CCDC138: variants seen among roughly 807,000 people sequenced by gnomAD.
The protein encoded by CCDC138 is coiled-coil domain containing 138.
A neutral mutation model predicts 82.3 loss-of-function variants in CCDC138; 66 were observed. The observed-to-expected ratio is 0.80, with a 90% CI of 0.66 to 0.98. The LOEUF (loss-of-function observed/expected upper bound fraction) is 0.98. Ranked by LOEUF, CCDC138 falls within the 50% of genes least tolerant of loss-of-function variation. The pLI is 0.00. For synonymous variants in CCDC138, 297 were observed against 265.4 expected (o/e 1.12, Z -1.16); for missense variants, 816 against 758.9 (o/e 1.08, Z -0.88).
At chr2:108,832,102 T>A (rs1687788230) in intron 10 of CCDC138, among the ~76,000 whole-genome samples, 1 of 145,042 alleles carries the variant, frequency 6.9e-6, no homozygotes, top group African/African-American at 2.6e-5. Flanking sequence ...CCATCTCAGC[T>A]CCCTTCAACC....
intron 10 of CCDC138, among the ~76,000 whole-genome samples, chr2:108,827,232 A>G (rs1686764245): frequency 6.6e-6 from 1 of 152,298 alleles, no homozygotes; most frequent in Admixed American, 6.5e-5. Context: ...AACCAACCAA[A>G]AAATTATTAG....
chr2:108,809,702 T>G (rs1043376351), intron 7 of CCDC138, among the ~76,000 whole-genome samples: 1 of 152,206 alleles, frequency 6.6e-6, no homozygotes, highest in African/African-American at 2.4e-5. Flanking sequence ...TTTACCAAAT[T>G]TATCAGTTCT....
Position 108,816,045 on chromosome 2 carries a change from T to C in CCDC138, c.1146T>C (p.Gly382=), listed in dbSNP as rs916458963. The C allele has an allele frequency of 3.7e-6, 6 of 1,613,652 alleles. No homozygotes were observed. The highest frequency in any genetic ancestry group is 4.2e-6 in the Non-Finnish European group (5 of 1,179,844). ...KVKHEESGMD[G]KKPQLKFASQ... is the part of the protein sequence containing the mutation. ...AACATGAAGAATCTGGAATGGATGGTAAAAAACCACAACTCAAATTTGCTT... is the reference window on the plus strand; with the variant it reads ...AACATGAAGAATCTGGAATGGATGGCAAAAAACCACAACTCAAATTTGCTT... The change falls in exon 10 of 15, where the codon GGT becomes GGC. Residue 382 remains glycine, a synonymous_variant. Coordinates refer to ENST00000295124, the MANE Select transcript of CCDC138 (RefSeq NM_144978.3).
At chr2:108,847,006 C>T in intron 12 of CCDC138, 76 bp downstream of exon 12, 1 of 813,846 alleles carries the variant, frequency 1.2e-6, no homozygotes, top group South Asian at 1.7e-5. Flanking sequence ...ATTCTTTTAT[C>T]AAATATGTTG....
intron 11 of CCDC138, among the ~76,000 whole-genome samples, chr2:108,843,871 TGTGTG>T (rs576645889): frequency 0.66 from 88,100 of 133,944 alleles, 34,155 homozygotes; most frequent in East Asian, 0.85. Context: ...TGTGTGTGTG[TGTGTG>T]TGTTTCTTTC....
chr2:108,814,464 G>A (rs1684411984), intron 9 of CCDC138, among the ~76,000 whole-genome samples: 1 of 151,890 alleles, frequency 6.6e-6, no homozygotes, highest in Non-Finnish European at 1.5e-5. Flanking sequence ...CATCTAAAGG[G>A]AGTTAGTTTC....
chr2:108,853,526 T>A (rs917105470), intron 12 of CCDC138, among the ~76,000 whole-genome samples: 2 of 149,914 alleles, frequency 1.3e-5, no homozygotes, highest in Non-Finnish European at 3.0e-5. Flanking sequence ...ACTGATAGCT[T>A]TCTTTTTTTT....
intron 10 of CCDC138, among the ~76,000 whole-genome samples, chr2:108,831,960 T>C (rs1031670122): frequency 3.9e-5 from 6 of 152,146 alleles, no homozygotes; most frequent in Admixed American, 2.0e-4. Context: ...CTTGAACTTC[T>C]GACCTCAGGT....
intron 13 of CCDC138, among the ~76,000 whole-genome samples, chr2:108,864,889 A>C (rs796417946): frequency 1.3e-5 from 2 of 151,862 alleles, no homozygotes; most frequent in African/African-American, 4.8e-5. Context: ...TGAGCCCTGG[A>C]GTTCAACGTT....
At chr2:108,873,427 A>G (rs1184827158) in intron 13 of CCDC138, 24 bp from the exon 14 acceptor site, 1 of 1,555,824 alleles carries the variant, frequency 6.4e-7, no homozygotes, top group South Asian at 1.3e-5. Flanking sequence ...CCTAATAGTA[A>G]AGCACTGTTG....
chr2:108,859,007 A>G (rs768315732), intron 13 of CCDC138, among the ~76,000 whole-genome samples: 2 of 152,206 alleles, frequency 1.3e-5, no homozygotes, highest in Non-Finnish European at 2.9e-5. Flanking sequence ...TCTTTTTGGT[A>G]GAACAATTTC....
rs539019578 is a variant in CCDC138 at position 108,817,186 on chromosome 2, CTT to C, written c.1206+1085_1206+1086del. ...TGGGTGGTCCTGGTAATCACACAAA[CTT>C]TTTAAACCAGAAGGATTCAGAAGAG... On this transcript the variant is annotated intron_variant, in intron 10 of 14. Transcript: ENST00000295124. Among the ~76,000 whole-genome samples, 341 of 152,266 alleles carry C rather than the reference CTT, an allele frequency of 2.2e-3. 2 individuals are homozygous for C. Among genetic ancestry groups the C allele is most frequent in the Admixed American group, 4.3e-3 (66 of 15,284 alleles).
intron 1 of CCDC138, chr2:108,882,176 AGATTACT>A (rs1338238986): frequency 1.1e-4 from 17 of 152,630 alleles, no homozygotes; most frequent in African/African-American, 4.1e-4. Context: ...AAGAAAAAAT[AGATTACT>A]GATTACAGAT....
Position 108,843,925 on chromosome 2 carries a change from C to A in CCDC138, c.1324-2813C>A, listed in dbSNP as rs1364884924. On this transcript the variant is annotated intron_variant, in intron 11 of 14. Transcript: ENST00000295124. Reference sequence around the variant, plus strand: ...TTTTTTTTTGAGACAGGGTCTTGCTCTGTTGCCCAGGCTGGAGTTCAGTGG... The same window carrying A: ...TTTTTTTTTGAGACAGGGTCTTGCTATGTTGCCCAGGCTGGAGTTCAGTGG... 2.6e-5 allele frequency among the ~76,000 whole-genome samples: 3 copies of A among 113,950 alleles called. 1 individual carries two copies. Among genetic ancestry groups the A allele is most frequent in the Non-Finnish European group, 5.0e-5 (3 of 59,952 alleles). 74.8% of individuals were successfully genotyped at this position (113,950 alleles called of 152,430 possible).
chr2:108,877,005 A>G (rs1391275643), downstream of CCDC138, among the ~76,000 whole-genome samples: 1 of 152,226 alleles, frequency 6.6e-6, no homozygotes, highest in South Asian at 2.1e-4. Flanking sequence ...GAGTCATAAA[A>G]TCATATATGA....
chr2:108,881,547 GGCCTA>G (rs1191484753), downstream of CCDC138, among the ~76,000 whole-genome samples: 1 of 152,186 alleles, frequency 6.6e-6, no homozygotes, highest in Non-Finnish European at 1.5e-5. Flanking sequence ...TGGCACAAGA[GGCCTA>G]GCTTTCAGCT....
intron 6 of CCDC138, among the ~76,000 whole-genome samples, chr2:108,803,005 A>G (rs1017053643): frequency 3.3e-5 from 5 of 152,286 alleles, no homozygotes; most frequent in South Asian, 2.1e-4. Flanking sequence ...AGCCTTTGCA[A>G]TGTTGCTGTG....
intron 13 of CCDC138, among the ~76,000 whole-genome samples, chr2:108,858,536 A>G (rs1224717055): frequency 6.6e-6 from 1 of 152,204 alleles, no homozygotes; most frequent in East Asian, 1.9e-4. Flanking sequence ...TTGAATTTTA[A>G]TGTAAATTCA....
chr2:108,788,743 T>A (rs868412765), intron 2 of CCDC138, 109 bp from the exon 3 acceptor site: 17 of 1,401,048 alleles, frequency 1.2e-5, no homozygotes, highest in East Asian at 2.6e-5. Flanking sequence ...GAAAAAAAAA[T>A]TTGAGAGAGA....
Sources: allele counts gnomAD v4.1 joint callset (sites outside exome capture counted in the v4.1 genomes callset), GRCh38; gene constraint gnomAD v4.1.1; transcripts MANE v1.5; gene names NCBI Gene and HGNC (gene_info 2026-07-23, HGNC 2026-07-21).